The following SMC1A variants were observed in gnomAD, a reference collection of about 807,000 sequenced individuals.
SMC1A encodes the protein structural maintenance of chromosomes protein 1A.
In SMC1A, 4 loss-of-function variants were observed where a neutral mutation model predicts 94.5. The observed-to-expected ratio is 0.04, with a 90% CI of 0.02 to 0.10. SMC1A has a LOEUF of 0.10. SMC1A is among the 10% of genes least tolerant of loss of function. The probability of loss-of-function intolerance (pLI) is 1.00; values close to 1 mark genes in which losing one functional copy is unlikely to be tolerated. For synonymous variants in SMC1A, 345 were observed against 347.7 expected (o/e 0.99, Z 0.09); for missense variants, 304 against 989.0 (o/e 0.31, Z 9.29).
intron 7 of SMC1A, among the ~76,000 whole-genome samples, chrX:53,411,112 T>C (rs2075711171): frequency 9.2e-6 from 1 of 108,673 alleles, no homozygotes. Flanking sequence ...ACAATAATCT[T>C]GTGACCTTAG....
intron 19 of SMC1A, among the ~76,000 whole-genome samples, chrX:53,389,462 G>A (rs1399180665): frequency 1.8e-5 from 2 of 111,629 alleles, no homozygotes; most frequent in East Asian, 2.8e-4. Context: ...CAAGCGTGGT[G>A]GCTCACGCCT....
At chrX:53,403,977 G>T in intron 13 of SMC1A, 84 bp from the exon 14 acceptor site, 2 of 666,475 alleles carry the variant, frequency 3.0e-6, no homozygotes, top group Admixed American at 2.2e-5. Flanking sequence ...CCACAGTCAG[G>T]AAGGGCTAGC....
At chrX:53,395,867 A>G (rs782015821) in intron 18 of SMC1A, among the ~76,000 whole-genome samples, 1 of 110,638 alleles carries the variant, frequency 9.0e-6, no homozygotes, top group Non-Finnish European at 1.9e-5. Flanking sequence ...GCTCTTGGCT[A>G]ATGTCCCTCA....
intron 1 of SMC1A, among the ~76,000 whole-genome samples, chrX:53,418,692 C>T (rs911693059): frequency 1.8e-5 from 2 of 112,121 alleles, no homozygotes; most frequent in Non-Finnish European, 3.8e-5. Context: ...CTTGGACTCC[C>T]AAAGTGCTGG....
Position 53,376,732 on chromosome X carries a change from G to C in SMC1A, c.*3371C>G, listed in dbSNP as rs1456900550. ...ACCTAGACTACAGGATGCCTTCTCTGAATCTTCACATAAGCTAGATGTTTT... is the reference window on the plus strand; with the variant it reads ...ACCTAGACTACAGGATGCCTTCTCTCAATCTTCACATAAGCTAGATGTTTT... On this transcript the variant is annotated 3_prime_UTR_variant, in exon 25 of 25. Transcript: ENST00000322213. 9.0e-6 allele frequency: 1 copy of C among 111,250 alleles called. No homozygotes were observed. The highest frequency in any genetic ancestry group is 1.9e-5 in the Non-Finnish European group (1 of 53,039). The allele number at this position is 111,250 out of a possible 1,213,427, so 9.2% of individuals were successfully genotyped here. A position where few individuals can be genotyped will look rare whatever the true frequency, so the allele number is the denominator to read the frequency against.
intron 7 of SMC1A, among the ~76,000 whole-genome samples, chrX:53,411,085 ACT>A (rs1283404217): frequency 5.5e-5 from 6 of 109,080 alleles, no homozygotes; most frequent in Non-Finnish European, 1.1e-4. Context: ...ACAGAGAAAG[ACT>A]CTGTCTCAAA....
chrX:53,390,073 T>C (rs372964621), intron 19 of SMC1A, among the ~76,000 whole-genome samples: 1 of 105,680 alleles, frequency 9.5e-6, no homozygotes, highest in East Asian at 3.1e-4. Context: ...ATCAATCTCC[T>C]GACCTCATGA....
rs1035787215 is a variant in SMC1A at position 53,404,862 on chromosome X, C to T, written c.2196+150G>A. ...CTCAAGGCAGAGCCAAGCTCTGAAC[C>T]CCTGGCTGTCTGACTCTATGCTATA... On this transcript the variant is annotated intron_variant, in intron 13 of 24. Transcript: ENST00000322213. The T allele has an allele frequency of 2.0e-5, 12 of 608,208 alleles. No homozygotes were observed. The African/African-American group carries it at 2.4e-4, about 12-fold the overall frequency. 50.1% of individuals were successfully genotyped at this position (608,208 alleles called of 1,213,427 possible). A position where few individuals can be genotyped will look rare whatever the true frequency, so the allele number is the denominator to read the frequency against.
rs1556890595 is a variant in SMC1A at position 53,412,065 on chromosome X, T to C, written c.1043A>G (p.Gln348Arg). 2.5e-6 allele frequency: 3 copies of C among 1,209,613 alleles called. No homozygotes were observed. Residue 348 changes from glutamine (Q) to arginine (R), a missense_variant, in exon 6 of 25, where the codon CAG becomes CGG. Physicochemically the swap from Gln to Arg is conservative, Grantham distance 43. Transcript: ENST00000322213. ...TTCTTCCATCCGTTCTTCAAACTCCTGCCGAGCCTTCTCCACTGACAGCAT... is the reference window on the plus strand; with the variant it reads ...TTCTTCCATCCGTTCTTCAAACTCCCGCCGAGCCTTCTCCACTGACAGCAT... ...KEMLSVEKAR[Q>R]EFEERMEEES... is the part of the protein sequence containing the mutation.
intron 19 of SMC1A, among the ~76,000 whole-genome samples, chrX:53,393,426 C>CA (rs1446763081): frequency 8.3e-5 from 9 of 108,654 alleles, no homozygotes; most frequent in South Asian, 3.8e-4. Flanking sequence ...ACATAAACTG[C>CA]AAAAAAAATA....
chrX:53,403,999 G>C (rs1305604017), intron 13 of SMC1A, 106 bp from the exon 14 acceptor site: 2 of 591,789 alleles, frequency 3.4e-6, no homozygotes, highest in Non-Finnish European at 5.9e-6. Flanking sequence ...CTCCACAACT[G>C]AGAGAACCTG....
At chrX:53,411,613 G>A in intron 7 of SMC1A, 148 bp downstream of exon 7, 1 of 663,468 alleles carries the variant, frequency 1.5e-6, no homozygotes, top group East Asian at 3.2e-5. Context: ...CAAAAAAAAA[G>A]ACTATCATTA....
chrX:53,412,386 GCC>G, intron 5 of SMC1A, 133 bp from the exon 6 acceptor site: 1 of 629,118 alleles, frequency 1.6e-6, no homozygotes, highest in Admixed American at 3.1e-5. Flanking sequence ...TGGGCGTAAT[GCC>G]CCACAGATCC....
At chrX:53,400,798 T>C (rs2075668078) in intron 15 of SMC1A, among the ~76,000 whole-genome samples, 1 of 111,932 alleles carries the variant, frequency 8.9e-6, no homozygotes, top group Non-Finnish European at 1.9e-5. Flanking sequence ...GTGACAGATG[T>C]TGCCAGATGT....
intron 7 of SMC1A, among the ~76,000 whole-genome samples, chrX:53,411,520 G>A (rs1317833960): frequency 2.7e-5 from 3 of 110,823 alleles, no homozygotes; most frequent in Non-Finnish European, 5.7e-5. Flanking sequence ...AACCCGGGAG[G>A]CAAAGGTTGT....
intron 1 of SMC1A, among the ~76,000 whole-genome samples, chrX:53,419,608 G>A (rs1171697687): frequency 1.8e-4 from 20 of 108,738 alleles, no homozygotes; most frequent in Admixed American, 1.6e-3. Flanking sequence ...GGCAGATCAC[G>A]GGGTCAGGAG....
rs782036252 is a variant in SMC1A at position 53,403,813 on chromosome X, C to T, written c.2277G>A (p.Glu759=). ...TCTCCTTCAAGTCTTTCATTTCCCT[C>T]TCTCGGCTCTGAATGATCCTCTTGA... ...NDIKRIIQSR[E]REMKDLKEKM... Residue 759 remains glutamate (E), a synonymous_variant, in exon 14 of 25, where the codon GAG becomes GAA. Coordinates refer to ENST00000322213, the MANE Select transcript of SMC1A (RefSeq NM_006306.4). The T allele has an allele frequency of 8.3e-7, 1 of 1,208,769 alleles. No individual in the cohort carries two copies. Among genetic ancestry groups the T allele is most frequent in the East Asian group, 3.0e-5 (1 of 33,757 alleles).
At position 53,380,045 on chromosome X, in the gene SMC1A, A is replaced by C; in HGVS notation, c.*58T>G. The C allele has an allele frequency of 4.7e-6, 4 of 847,218 alleles. No individual in the cohort carries two copies. Among genetic ancestry groups the C allele is most frequent in the African/African-American group, 2.0e-5 (1 of 50,632 alleles). The allele number at this position is 847,218 out of a possible 1,213,427, so 69.8% of individuals were successfully genotyped here. A position where few individuals can be genotyped will look rare whatever the true frequency, so the allele number is the denominator to read the frequency against. On this transcript the variant is annotated 3_prime_UTR_variant, in exon 25 of 25. Transcript: ENST00000322213. ...GGGGAAGGTTGGGAGTCAAATATCC[A>C]GAGATTGGGAGAGGGACAGCTTAGG...
At chrX:53,381,733 T>C (rs2075584210) in intron 22 of SMC1A, 1 of 171,222 alleles carries the variant, frequency 5.8e-6, no homozygotes, top group African/African-American at 3.0e-5. Flanking sequence ...TACATCTGTG[T>C]CCCTAATCCC....
Sources: gnomAD v4.1 joint callset for allele counts (sites outside exome capture counted in the v4.1 genomes callset) on GRCh38, gnomAD v4.1.1 for gene constraint, MANE v1.5 for transcripts, NCBI Gene and HGNC (gene_info 2026-07-23, HGNC 2026-07-21) for gene names.